AASDH: variants seen among roughly 807,000 people sequenced by gnomAD.
AASDH encodes the protein aminoadipate-semialdehyde dehydrogenase.
In AASDH, 81 loss-of-function variants were observed where a neutral mutation model predicts 102.3. The observed-to-expected ratio is 0.79, with a 90% CI of 0.66 to 0.95. The LOEUF (loss-of-function observed/expected upper bound fraction) is 0.95, where lower values mean the gene tolerates loss of function less well. Among genes scored for constraint, AASDH ranks in the 40% least tolerant of loss-of-function variants. AASDH has a pLI of 0.00. For synonymous variants in AASDH, 398 were observed against 454.0 expected (o/e 0.88, Z 1.57); for missense variants, 1,203 against 1,266.2 (o/e 0.95, Z 0.76).
At chr4:56,377,518 ACTC>A (rs1477790154) in intron 4 of AASDH, among the ~76,000 whole-genome samples, 1 of 151,854 alleles carries the variant, frequency 6.6e-6, no homozygotes, top group Admixed American at 6.6e-5. Context: ...AGTAGGACAA[ACTC>A]CTTCATTCTC....
At chr4:56,346,830 CCCAGGAGTTTGAGA>C (rs1748382407) in intron 11 of AASDH, among the ~76,000 whole-genome samples, 1 of 151,996 alleles carries the variant, frequency 6.6e-6, no homozygotes, top group Non-Finnish European at 1.5e-5. Flanking sequence ...ATCGCTTGAG[CCCAGGAGTTTGAGA>C]CCAGCGTGGA....
At position 56,351,592 on chromosome 4, in the gene AASDH, C is replaced by A. The variant is rs550436154; in HGVS notation, c.1577-135G>T. ...ATATAAAGAGTTTGTTGTCAACAAT[C>A]AATTCTAAAAAGTTGTCTGATACTA... On this transcript the variant is annotated intron_variant, in intron 9 of 14. Transcript: ENST00000205214. The A allele has an allele frequency of 4.7e-5, 27 of 571,264 alleles. No individual in the cohort carries two copies. The African/African-American group carries it at 4.8e-4, about 10-fold the overall frequency. The allele number at this position is 571,264 out of a possible 1,614,324, so 35.4% of individuals were successfully genotyped here. A position where few individuals can be genotyped will look rare whatever the true frequency, so the allele number is the denominator to read the frequency against.
At chr4:56,343,706 A>G (rs995286797) in intron 12 of AASDH, 22 bp from the exon 13 acceptor site, 1 of 1,595,872 alleles carries the variant, frequency 6.3e-7, no homozygotes, top group East Asian at 2.3e-5. Flanking sequence ...AAAACAAATT[A>G]ATTTGTTCTT....
chr4:56,339,929 G>A (rs1185342530), intron 14 of AASDH, among the ~76,000 whole-genome samples: 1 of 151,936 alleles, frequency 6.6e-6, no homozygotes, highest in East Asian at 1.9e-4. Flanking sequence ...AACACTTTGG[G>A]AGGCCAAGGC....
chr4:56,338,627 C>T lies in AASDH; in HGVS notation c.3072G>A (p.Pro1024=), dbSNP rs375638660. The T allele has an allele frequency of 2.6e-5, 42 of 1,614,056 alleles. No individual in the cohort carries two copies. Among genetic ancestry groups the T allele is most frequent in the Non-Finnish European group, 3.1e-5 (37 of 1,180,030 alleles). ...FETTSRVYAT[P]FAFHNYNGSN... is the part of the protein sequence containing the mutation. ...TGCCATTGTAGTTATGGAAAGCAAA[C>T]GGTGTTGCATAGACCCTTGAAGTAG... Residue 1024 remains proline (P), a synonymous_variant, in exon 15 of 15, where the codon CCG becomes CCA. Transcript: ENST00000205214.
chr4:56,345,401 A>G, intron 11 of AASDH, 111 bp from the exon 12 acceptor site: 1 of 989,900 alleles, frequency 1.0e-6, no homozygotes, highest in Non-Finnish European at 1.5e-6. Context: ...CATAGGCTCT[A>G]TGATAAGCTC....
At chr4:56,356,614 G>A in intron 5 of AASDH, 1 of 717,114 alleles carries the variant, frequency 1.4e-6, no homozygotes, top group Non-Finnish European at 2.5e-6. Context: ...TGCACACGTG[G>A]CTCCCATCGA....
At chr4:56,380,892 TC>T (rs1267507071) in intron 3 of AASDH, among the ~76,000 whole-genome samples, 1 of 152,152 alleles carries the variant, frequency 6.6e-6, no homozygotes, top group Admixed American at 6.5e-5. Flanking sequence ...TTGCCAATTG[TC>T]CCCAGTTGAG....
chr4:56,347,401 C>T (rs1281556934), intron 11 of AASDH, among the ~76,000 whole-genome samples: 1 of 152,092 alleles, frequency 6.6e-6, no homozygotes, highest in African/African-American at 2.4e-5. Flanking sequence ...AAAGCTATTC[C>T]TAAGCCTTTA....
chr4:56,367,498 T>C (rs1409730733), intron 5 of AASDH, among the ~76,000 whole-genome samples: 1 of 109,518 alleles, frequency 9.1e-6, no homozygotes, highest in Non-Finnish European at 2.0e-5. Context: ...CAAAACAGCA[T>C]GGTACTGGTA....
chr4:56,338,809 A>G lies in AASDH; in HGVS notation c.2908-18T>C, dbSNP rs766982149. 2 of 1,600,236 alleles carry G rather than the reference A, an allele frequency of 1.2e-6. No individual in the cohort carries two copies. Among genetic ancestry groups the G allele is most frequent in the South Asian group, 1.1e-5 (1 of 89,264 alleles). ...TGCCAAACCTATAACAAGTAATAAAAATAAATATAATTCATTCATCTAATT... is the reference window on the plus strand; with the variant it reads ...TGCCAAACCTATAACAAGTAATAAAGATAAATATAATTCATTCATCTAATT... On this transcript the variant is annotated intron_variant, in intron 14 of 14. Transcript: ENST00000205214.
chr4:56,345,067 G>A, intron 12 of AASDH, 60 bp downstream of exon 12: 1 of 1,566,180 alleles, frequency 6.4e-7, no homozygotes, highest in Non-Finnish European at 8.7e-7. Flanking sequence ...TCAGCCTCTG[G>A]AGTAACTACC....
In AASDH at chr4:56,382,720, C is replaced by T. The variant is rs1320183680; in HGVS notation, c.231-123G>A. The T allele has an allele frequency of 5.5e-6, 6 of 1,092,062 alleles. No homozygotes were observed. The Admixed American group carries it at 9.4e-5, about 17-fold the overall frequency. 67.6% of individuals were successfully genotyped at this position (1,092,062 alleles called of 1,614,324 possible). A position where few individuals can be genotyped will look rare whatever the true frequency, so the allele number is the denominator to read the frequency against. ...CAGCATAAAAATGGTTTCCGGAGCA[C>T]TTTATTGCTGATCAGAAATTTCCAA... On this transcript the variant is annotated intron_variant, in intron 2 of 14. Transcript: ENST00000205214.
rs1407611906 is a variant in AASDH at position 56,371,394 on chromosome 4, A to C, written c.861+57T>G. The C allele has an allele frequency of 2.7e-6, 4 of 1,499,042 alleles. No homozygotes were observed. In the African/African-American group the frequency reaches 5.7e-5, roughly 21 times the overall value. The allele number at this position is 1,499,042 out of a possible 1,614,324, so 92.9% of individuals were successfully genotyped here. ...CTACAGGAATACAAAATATTCTCTA[A>C]AACACTTAAAATATTGAAAAATGAT... On this transcript the variant is annotated intron_variant, in intron 5 of 14. Coordinates refer to ENST00000205214, the MANE Select transcript of AASDH (RefSeq NM_181806.4).
intron 5 of AASDH, among the ~76,000 whole-genome samples, chr4:56,370,423 CAAAAG>C (rs894893162): frequency 5.9e-5 from 9 of 151,774 alleles, no homozygotes; most frequent in South Asian, 2.1e-4. Flanking sequence ...AAAGAAAAAA[CAAAAG>C]AAAAGAAAAG....
intron 4 of AASDH, among the ~76,000 whole-genome samples, chr4:56,375,594 G>A (rs533932900): frequency 6.6e-6 from 1 of 152,184 alleles, no homozygotes; most frequent in African/African-American, 2.4e-5. Flanking sequence ...TTAAGCAAAT[G>A]TTTGCTCCCA....
intron 13 of AASDH, among the ~76,000 whole-genome samples, chr4:56,343,359 A>C (rs57680533): frequency 1.7e-4 from 14 of 80,760 alleles, no homozygotes; most frequent in East Asian, 1.5e-3. Context: ...AACAAACAAA[A>C]AAATACATAT....
At chr4:56,358,810 T>C (rs1202819720) in intron 5 of AASDH, among the ~76,000 whole-genome samples, 5 of 152,080 alleles carry the variant, frequency 3.3e-5, no homozygotes, top group Admixed American at 1.3e-4. Context: ...TTGGATGGAG[T>C]GTTCCATATA....
chr4:56,356,605 G>A, intron 5 of AASDH: 2 of 721,958 alleles, frequency 2.8e-6, no homozygotes, highest in Admixed American at 1.9e-5. Flanking sequence ...GGTGGTGACT[G>A]CACACGTGGC....
Sources: allele counts gnomAD v4.1 joint callset (sites outside exome capture counted in the v4.1 genomes callset), GRCh38; gene constraint gnomAD v4.1.1; transcripts MANE v1.5; gene names NCBI Gene and HGNC (gene_info 2026-07-23, HGNC 2026-07-21).